Variants in GALNTL6 observed in about 807,000 individuals in gnomAD.
The protein encoded by GALNTL6 is polypeptide N-acetylgalactosaminyltransferase like 6.
In GALNTL6, 46 loss-of-function variants were observed where a neutral mutation model predicts 73.7. The observed-to-expected ratio is 0.62, with a 90% CI of 0.49 to 0.80. The LOEUF is 0.80. Ranked by LOEUF, GALNTL6 falls within the 30% of genes least tolerant of loss-of-function variation. GALNTL6 has a pLI of 0.00. For missense variants in GALNTL6, 604 were observed against 755.0 expected (o/e 0.80, Z 2.34); for synonymous variants, 259 against 263.7 (o/e 0.98, Z 0.17).
At position 171,947,732 on chromosome 4, in the gene GALNTL6, G is replaced by A. The variant is rs190056213; in HGVS notation, c.138+133014G>A. On this transcript the variant is annotated intron_variant, in intron 2 of 12. Coordinates refer to ENST00000506823, the MANE Select transcript of GALNTL6 (RefSeq NM_001034845.3). ...AGGTTCAGTTCAATCTGGGAAACAG[G>A]GGTGGAGGAAAAAATGTATTATTCA... Among the ~76,000 whole-genome samples the A allele has an allele frequency of 1.6e-3, 240 of 152,130 alleles. 1 individual carries two copies. Among genetic ancestry groups the A allele is most frequent in the Admixed American group, 2.8e-3 (42 of 15,266 alleles).
rs1421914633 is a variant in GALNTL6, at chr4:172,476,544, A to G, written c.553+127855A>G. ...CTTCCCAACTTCCACTGTTATACCT[A>G]CTTGTTAAAAACCTGCTGGATAGGC... On this transcript the variant is annotated intron_variant, in intron 5 of 12. Transcript: ENST00000506823. Among the ~76,000 whole-genome samples, 6 of 152,140 alleles carry G rather than the reference A, an allele frequency of 3.9e-5. No individual in the cohort carries two copies. The East Asian group carries it at 9.6e-4, about 24-fold the overall frequency.
chr4:172,807,886 G>A (rs1741059561), intron 5 of GALNTL6, among the ~76,000 whole-genome samples: 1 of 152,118 alleles, frequency 6.6e-6, no homozygotes, highest in Non-Finnish European at 1.5e-5. Context: ...GCAGCGGTGC[G>A]ATCTCAGCTC....
intron 5 of GALNTL6, among the ~76,000 whole-genome samples, chr4:172,512,795 T>C (rs1221863956): frequency 1.3e-5 from 2 of 152,200 alleles, no homozygotes; most frequent in South Asian, 2.1e-4. Flanking sequence ...CTTGCAGGGT[T>C]TCTGCTGAGA....
intron 2 of GALNTL6, among the ~76,000 whole-genome samples, chr4:172,099,859 C>T (rs1260330893): frequency 1.3e-5 from 2 of 152,092 alleles, no homozygotes; most frequent in Non-Finnish European, 2.9e-5. Context: ...TCTGGTCACT[C>T]TCTGCACTGT....
rs1736006583 is a variant in GALNTL6, at chr4:172,552,842, A to AC, written c.553+204153_553+204154insC. 1.3e-5 allele frequency among the ~76,000 whole-genome samples: 2 copies of AC among 149,128 alleles called. 1 individual carries two copies. The highest frequency in any genetic ancestry group is 4.9e-5 in the African/African-American group (2 of 40,752). On this transcript the variant is annotated intron_variant, in intron 5 of 12. Transcript: ENST00000506823. ...TGGTGCAAAAGTAATTGCAGTAAAA[A>AC]AAAAAAAAAAAAAAAGGTAAAAACC...
chr4:172,892,568 G>A (rs1746090755), intron 8 of GALNTL6, among the ~76,000 whole-genome samples: 1 of 151,872 alleles, frequency 6.6e-6, no homozygotes, highest in South Asian at 2.1e-4. Flanking sequence ...GCTCCTCTTG[G>A]AGCTTACTGT....
chr4:172,213,989 A>G (rs944498439), intron 2 of GALNTL6, among the ~76,000 whole-genome samples: 1 of 152,170 alleles, frequency 6.6e-6, no homozygotes, highest in Non-Finnish European at 1.5e-5. Flanking sequence ...ATTTATGTCT[A>G]GATGTTGATA....
At chr4:172,609,608 T>C in intron 5 of GALNTL6, among the ~76,000 whole-genome samples, 1 of 26,146 alleles carries the variant, frequency 3.8e-5, no homozygotes, top group Non-Finnish European at 1.1e-4. Flanking sequence ...GTTTTCTCTC[T>C]CTCTCTCTCT....
intron 2 of GALNTL6, among the ~76,000 whole-genome samples, chr4:172,117,424 G>A (rs1398720267): frequency 2.0e-5 from 3 of 152,122 alleles, no homozygotes; most frequent in African/African-American, 7.2e-5. Context: ...GGCTTTATGT[G>A]TATTAACTCA....
chr4:172,711,231 T>C (rs1734682868), intron 5 of GALNTL6, among the ~76,000 whole-genome samples: 1 of 152,126 alleles, frequency 6.6e-6, no homozygotes, highest in Non-Finnish European at 1.5e-5. Context: ...AGTCAGCCTG[T>C]GGTCTGGGAA....
At chr4:171,875,110 C>T (rs1047320228) in intron 2 of GALNTL6, among the ~76,000 whole-genome samples, 3 of 152,022 alleles carry the variant, frequency 2.0e-5, no homozygotes, top group African/African-American at 2.4e-5. Flanking sequence ...AAAGGGTTCA[C>T]GGGGAAGGTA....
At chr4:172,991,495 G>T (rs1417382069) in intron 10 of GALNTL6, among the ~76,000 whole-genome samples, 1 of 151,858 alleles carries the variant, frequency 6.6e-6, no homozygotes, top group African/African-American at 2.4e-5. Flanking sequence ...TGCCTCCCAG[G>T]TTCAAGCGAT....
chr4:172,463,293 G>A lies in GALNTL6; in HGVS notation c.553+114604G>A, dbSNP rs1396219. 5.6e-3 allele frequency among the ~76,000 whole-genome samples: 842 copies of A among 150,722 alleles called. 9 individuals are homozygous for A. The highest frequency in any genetic ancestry group is 0.02 in the African/African-American group (816 of 40,970). On this transcript the variant is annotated intron_variant, in intron 5 of 12. Coordinates refer to ENST00000506823, the MANE Select transcript of GALNTL6 (RefSeq NM_001034845.3). The stretch of plus-strand genomic sequence containing the variant: ...CTCTTTCTCCCTCATAGGGAGCATA[G>A]GATGACACTAAAAAAATCAACATTC...
At chr4:172,951,485 A>G (rs188825848) in intron 9 of GALNTL6, among the ~76,000 whole-genome samples, 1 of 152,376 alleles carries the variant, frequency 6.6e-6, no homozygotes, top group East Asian at 1.9e-4. Flanking sequence ...ATCATGCAGT[A>G]AAGTACTAAT....
intron 5 of GALNTL6, among the ~76,000 whole-genome samples, chr4:172,782,483 T>C (rs1237843308): frequency 4.6e-5 from 7 of 152,250 alleles, no homozygotes; most frequent in Admixed American, 3.9e-4. Context: ...GTCTTTTTCA[T>C]TGGACAGGTA....
chr4:172,883,254 A>G (rs1745553816), intron 8 of GALNTL6, among the ~76,000 whole-genome samples: 2 of 152,212 alleles, frequency 1.3e-5, no homozygotes, highest in Non-Finnish European at 2.9e-5. Context: ...CTTGAAATAT[A>G]CAATAAATTA....
At chr4:172,129,981 T>A (rs1053456266) in intron 2 of GALNTL6, among the ~76,000 whole-genome samples, 4 of 152,098 alleles carry the variant, frequency 2.6e-5, no homozygotes, top group Non-Finnish European at 2.9e-5. Context: ...TATTCAAGGA[T>A]AGGCACTGCA....
At chr4:172,914,247 A>T (rs1435299771) in intron 8 of GALNTL6, among the ~76,000 whole-genome samples, 2 of 152,234 alleles carry the variant, frequency 1.3e-5, no homozygotes, top group African/African-American at 4.8e-5. Flanking sequence ...TCCTGAAGGA[A>T]GCACTAAACA....
In GALNTL6 at chr4:172,499,769, A is replaced by G. The variant is rs907787872; in HGVS notation, c.553+151080A>G. On this transcript the variant is annotated intron_variant, in intron 5 of 12. Transcript: ENST00000506823. The stretch of plus-strand genomic sequence containing the variant: ...GAAATAGAAGCTATTTACAACGAGT[A>G]GAAATACTAAAACCAAATTTTAAAA... 1.5e-4 allele frequency among the ~76,000 whole-genome samples: 23 copies of G among 152,352 alleles called. No homozygotes were observed. In the East Asian group the frequency reaches 4.4e-3, roughly 29 times the overall value.
Sources: gnomAD v4.1 joint callset for allele counts (sites outside exome capture counted in the v4.1 genomes callset) on GRCh38, gnomAD v4.1.1 for gene constraint, MANE v1.5 for transcripts, NCBI Gene and HGNC (gene_info 2026-07-23, HGNC 2026-07-21) for gene names.